The following GRIA1 variants were observed in gnomAD, a reference collection of about 807,000 sequenced individuals.
GRIA1 encodes glutamate receptor 1.
In GRIA1, 31 loss-of-function variants were observed where a neutral mutation model predicts 99.2. That is an observed-to-expected ratio of 0.31 (90% confidence interval 0.23 to 0.42). The LOEUF (loss-of-function observed/expected upper bound fraction) is 0.42, where lower values mean the gene tolerates loss of function less well. Among genes scored for constraint, GRIA1 ranks in the 10% least tolerant of loss-of-function variants. The probability of loss-of-function intolerance (pLI) is 1.00; values close to 1 mark genes in which losing one functional copy is unlikely to be tolerated. For synonymous variants in GRIA1, 438 were observed against 432.4 expected (o/e 1.01, Z -0.16); for missense variants, 782 against 1,157.5 (o/e 0.68, Z 4.71).
chr5:153,717,462 C>T (rs1258498504), intron 11 of GRIA1, among the ~76,000 whole-genome samples: 2 of 151,984 alleles, frequency 1.3e-5, no homozygotes, highest in Non-Finnish European at 2.9e-5. Flanking sequence ...TCTTGATTGA[C>T]AGGTACCATA....
rs545153120 is a variant in GRIA1 at position 153,595,665 on chromosome 5, A to C, written c.221-51263A>C. ...GTTATAATTCAATACCATTTCATTT[A>C]TTTTATTGCTCACATTGTGAAATGC... On this transcript the variant is annotated intron_variant, in intron 2 of 15. Transcript: ENST00000285900. Among the ~76,000 whole-genome samples, 3 of 151,082 alleles carry C rather than the reference A, an allele frequency of 2.0e-5. No homozygotes were observed. The South Asian group carries it at 6.2e-4, about 31-fold the overall frequency.
At chr5:153,494,103 G>T (rs189546698) in intron 2 of GRIA1, 38 bp downstream of exon 2, 1 of 1,601,022 alleles carries the variant, frequency 6.2e-7, no homozygotes, top group East Asian at 2.2e-5. Context: ...GTCTTTCTGC[G>T]CTAGACCAAT....
intron 14 of GRIA1, among the ~76,000 whole-genome samples, chr5:153,800,471 C>T (rs574234873): frequency 2.0e-5 from 3 of 152,328 alleles, no homozygotes; most frequent in South Asian, 2.1e-4. Context: ...ATTTTTTGCA[C>T]ATTACCCTTA....
rs144275743 is a variant in GRIA1, at chr5:153,490,807, C to G, written c.-82C>G. The G allele has an allele frequency of 2.0e-5, 20 of 992,880 alleles. No individual in the cohort carries two copies. The highest frequency in any genetic ancestry group is 3.1e-5 in the Non-Finnish European group (19 of 613,472). The allele number at this position is 992,880 out of a possible 1,614,324, so 61.5% of individuals were successfully genotyped here. On this transcript the variant is annotated 5_prime_UTR_variant, in exon 1 of 16. Coordinates refer to ENST00000285900, the MANE Select transcript of GRIA1 (RefSeq NM_000827.4). ...AGGAGGAAAAGAACAGGCAGAACAGCGAGAAGAATAAAGGGAAAGGGGGGG... is the reference window on the plus strand; with the variant it reads ...AGGAGGAAAAGAACAGGCAGAACAGGGAGAAGAATAAAGGGAAAGGGGGGG...
intron 10 of GRIA1, among the ~76,000 whole-genome samples, chr5:153,700,501 G>T (rs1407391669): frequency 1.3e-5 from 2 of 152,176 alleles, no homozygotes; most frequent in African/African-American, 2.4e-5. Flanking sequence ...AAAACGCATG[G>T]TTTTTGTTGA....
intron 2 of GRIA1, among the ~76,000 whole-genome samples, chr5:153,555,850 T>C (rs10515692): frequency 0.47 from 70,996 of 152,106 alleles, 18,310 homozygotes; most frequent in Non-Finnish European, 0.59. Context: ...GCTAAAATTG[T>C]CCTGACAGCT....
At chr5:153,708,664 G>T (rs1759090535) in intron 11 of GRIA1, among the ~76,000 whole-genome samples, 1 of 152,092 alleles carries the variant, frequency 6.6e-6, no homozygotes, top group Admixed American at 6.6e-5. Context: ...TTTTAACTTG[G>T]ATTTTGTCTA....
chr5:153,621,183 G>T (rs532756190), intron 2 of GRIA1, among the ~76,000 whole-genome samples: 2 of 152,280 alleles, frequency 1.3e-5, no homozygotes, highest in South Asian at 4.1e-4. Context: ...TTTCTTGAGA[G>T]GCTTTCTGTG....
At chr5:153,656,671 T>C (rs1338657892) in intron 5 of GRIA1, among the ~76,000 whole-genome samples, 1 of 152,102 alleles carries the variant, frequency 6.6e-6, no homozygotes, top group Admixed American at 6.6e-5. Flanking sequence ...TATTTGGTGT[T>C]TAGCCCCATT....
At chr5:153,523,014 A>ATCTCTC (rs1491124899) in intron 2 of GRIA1, among the ~76,000 whole-genome samples, 1 of 74,164 alleles carries the variant, frequency 1.3e-5, no homozygotes, top group African/African-American at 4.8e-5. Context: ...CTTGTTCCTG[A>ATCTCTC]TATCTCTCTC....
At chr5:153,759,091 A>G (rs1466083929) in intron 11 of GRIA1, among the ~76,000 whole-genome samples, 2 of 151,914 alleles carry the variant, frequency 1.3e-5, no homozygotes, top group East Asian at 3.9e-4. Context: ...AGCAAGAGGA[A>G]AGTTTATAGA....
At chr5:153,561,440 C>A (rs1761116029) in intron 2 of GRIA1, among the ~76,000 whole-genome samples, 2 of 152,084 alleles carry the variant, frequency 1.3e-5, no homozygotes, top group Admixed American at 6.5e-5. Flanking sequence ...CACAGATAAG[C>A]AAACTGAGGC....
chr5:153,657,926 T>G (rs1561737361), intron 5 of GRIA1, among the ~76,000 whole-genome samples: 1 of 152,096 alleles, frequency 6.6e-6, no homozygotes, highest in South Asian at 2.1e-4. Flanking sequence ...TTTGCAAAAA[T>G]GGAATTTTTG....
chr5:153,629,058 G>A (rs11747288), intron 2 of GRIA1, among the ~76,000 whole-genome samples: 35,405 of 152,204 alleles, frequency 0.23, 4,542 homozygotes, highest in Non-Finnish European at 0.3. Context: ...TGTCAAGTTT[G>A]TACAGAGAGA....
chr5:153,752,002 C>A (rs1762540362), intron 11 of GRIA1, among the ~76,000 whole-genome samples: 1 of 152,154 alleles, frequency 6.6e-6, no homozygotes. Context: ...GGCAGTCAGC[C>A]CGCCCCTTCC....
intron 11 of GRIA1, among the ~76,000 whole-genome samples, chr5:153,745,871 G>A (rs1010793717): frequency 2.6e-5 from 4 of 151,942 alleles, no homozygotes; most frequent in South Asian, 2.1e-4. Context: ...ACCTCTTATG[G>A]TCCATTTTTC....
At chr5:153,791,884 T>C (rs912895135) in intron 13 of GRIA1, among the ~76,000 whole-genome samples, 2 of 150,384 alleles carry the variant, frequency 1.3e-5, no homozygotes, top group African/African-American at 4.9e-5. Context: ...CATTTAGATT[T>C]TGGCCATTCA....
At chr5:153,615,121 TTC>T (rs1766365531) in intron 2 of GRIA1, among the ~76,000 whole-genome samples, 2 of 152,238 alleles carry the variant, frequency 1.3e-5, no homozygotes, top group African/African-American at 4.8e-5. Context: ...TGTTCAGTTG[TTC>T]CATGGCATGT....
chr5:153,690,982 T>C (rs1049711300), intron 8 of GRIA1, among the ~76,000 whole-genome samples: 4 of 152,164 alleles, frequency 2.6e-5, no homozygotes, highest in Non-Finnish European at 4.4e-5. Flanking sequence ...TTGTGTATAG[T>C]AAAAAGGAGC....
Sources: allele counts gnomAD v4.1 joint callset (sites outside exome capture counted in the v4.1 genomes callset), GRCh38; gene constraint gnomAD v4.1.1; transcripts MANE v1.5; gene names NCBI Gene and HGNC (gene_info 2026-07-23, HGNC 2026-07-21).